TMEM108: variants seen among roughly 807,000 people sequenced by gnomAD.
The protein encoded by TMEM108 is transmembrane protein 108, also known as cancer/testis antigen 124.
A neutral mutation model predicts 35.1 loss-of-function variants in TMEM108; 12 were observed. The ratio of observed to expected loss-of-function variants is 0.34; its 90% CI spans 0.22 to 0.55. The LOEUF is 0.55. TMEM108 is among the 20% of genes least tolerant of loss of function. The pLI is 0.89. For synonymous variants in TMEM108, 287 were observed against 308.6 expected, an observed-to-expected ratio of 0.93 and a Z score of 0.73; for missense variants, 680 against 753.3, an observed-to-expected ratio of 0.90 and a Z score of 1.14.
At chr3:133,231,349 T>G (rs1946150624) in intron 3 of TMEM108, among the ~76,000 whole-genome samples, 1 of 152,192 alleles carries the variant, frequency 6.6e-6, no homozygotes, top group Non-Finnish European at 1.5e-5. Context: ...GTTATTTATT[T>G]CGTTCATGAA....
Position 133,251,350 on chromosome 3 carries a change from A to C in TMEM108, c.40+21999A>C, listed in dbSNP as rs562420379. 1.1e-4 allele frequency among the ~76,000 whole-genome samples: 16 copies of C among 152,308 alleles called. 1 individual carries two copies. In the South Asian group the frequency reaches 3.3e-3, roughly 32 times the overall value. On this transcript the variant is annotated intron_variant, in intron 3 of 5. Coordinates refer to ENST00000321871, the MANE Select transcript of TMEM108 (RefSeq NM_023943.4). ...GGACATTTATTAAGCACTTACTATA[A>C]AAGACACTGCAGAGGTTATAATATG...
intron 3 of TMEM108, among the ~76,000 whole-genome samples, chr3:133,360,609 C>T (rs996513571): frequency 6.6e-6 from 1 of 152,190 alleles, no homozygotes; most frequent in Non-Finnish European, 1.5e-5. Flanking sequence ...AGCAAAGCTG[C>T]TTCACCTGAT....
chr3:133,139,255 T>C (rs2107753781), intron 2 of TMEM108, among the ~76,000 whole-genome samples: 1 of 152,380 alleles, frequency 6.6e-6, no homozygotes, highest in African/African-American at 2.4e-5. Flanking sequence ...TAGAATGATT[T>C]ATAATCCTTT....
intron 2 of TMEM108, among the ~76,000 whole-genome samples, chr3:133,131,449 A>G (rs959512740): frequency 2.6e-4 from 39 of 150,144 alleles, no homozygotes; most frequent in Admixed American, 1.1e-3. Flanking sequence ...GTAATACAAT[A>G]TTTCAAACTT....
At position 133,142,791 on chromosome 3, in the gene TMEM108, T is replaced by C. The variant is rs529267882; in HGVS notation, c.-46-86475T>C. 3.9e-5 allele frequency among the ~76,000 whole-genome samples: 6 copies of C among 152,344 alleles called. 1 individual carries two copies. Among genetic ancestry groups the C allele is most frequent in the African/African-American group, 9.6e-5 (4 of 41,582 alleles). On this transcript the variant is annotated intron_variant, in intron 2 of 5. Coordinates refer to ENST00000321871, the MANE Select transcript of TMEM108 (RefSeq NM_023943.4). ...GTAGTATAATTATAACTAACACTTA[T>C]TAAGTTCTCACTATGTTCCAAACAG...
intron 3 of TMEM108, among the ~76,000 whole-genome samples, chr3:133,357,714 G>A (rs1559924389): frequency 6.6e-6 from 1 of 152,132 alleles, no homozygotes; most frequent in Non-Finnish European, 1.5e-5. Context: ...CTTATAAGTG[G>A]CAGCTAAGCT....
In TMEM108 at chr3:133,176,218, T is replaced by C; in HGVS notation, c.-46-53048T>C. Among the ~76,000 whole-genome samples, 2 of 145,582 alleles carry C rather than the reference T, an allele frequency of 1.4e-5. 1 individual carries two copies. Among genetic ancestry groups the C allele is most frequent in the South Asian group, 4.5e-4 (2 of 4,466 alleles). The stretch of plus-strand genomic sequence containing the variant: ...AGAGACTTAGACTCCCACACAATAA[T>C]AATGGGAGACTTTAACACCCCACTG... On this transcript the variant is annotated intron_variant, in intron 2 of 5. Transcript: ENST00000321871.
chr3:133,237,650 T>G (rs1946257614), intron 3 of TMEM108, among the ~76,000 whole-genome samples: 1 of 152,144 alleles, frequency 6.6e-6, no homozygotes, highest in African/African-American at 2.4e-5. Flanking sequence ...CCAGATTTTT[T>G]TCCATGTACT....
chr3:133,146,908 C>T (rs186394298), intron 2 of TMEM108, among the ~76,000 whole-genome samples: 2 of 152,016 alleles, frequency 1.3e-5, no homozygotes, highest in African/African-American at 4.8e-5. Flanking sequence ...TTTGAAAAAA[C>T]CAGCTCCTGG....
At chr3:133,239,663 G>A (rs6771368) in intron 3 of TMEM108, among the ~76,000 whole-genome samples, 1,643 of 152,264 alleles carry the variant, frequency 0.011, 25 homozygotes, top group African/African-American at 0.036. Flanking sequence ...CTGGGGCTGG[G>A]CCAAGAATTA....
At position 133,359,061 on chromosome 3, in the gene TMEM108, G is replaced by A. The variant is rs528792836; in HGVS notation, c.41-20691G>A. Among the ~76,000 whole-genome samples the A allele has an allele frequency of 4.6e-5, 7 of 152,280 alleles. No individual in the cohort carries two copies. The East Asian group carries it at 1.3e-3, about 29-fold the overall frequency. ...ATCAGATCTGTGGTTTCACCCTACAGTGGCAAAATTGAGTACTGTAATTTT... is the reference window on the plus strand; with the variant it reads ...ATCAGATCTGTGGTTTCACCCTACAATGGCAAAATTGAGTACTGTAATTTT... On this transcript the variant is annotated intron_variant, in intron 3 of 5. Coordinates refer to ENST00000321871, the MANE Select transcript of TMEM108 (RefSeq NM_023943.4).
intron 2 of TMEM108, among the ~76,000 whole-genome samples, chr3:133,221,640 T>C (rs1174059236): frequency 6.9e-6 from 1 of 145,696 alleles, no homozygotes; most frequent in Non-Finnish European, 1.5e-5. Flanking sequence ...TCTAGTGGCA[T>C]ACATTGATTA....
At chr3:133,235,565 G>C (rs545559401) in intron 3 of TMEM108, among the ~76,000 whole-genome samples, 1 of 152,114 alleles carries the variant, frequency 6.6e-6, no homozygotes, top group Non-Finnish European at 1.5e-5. Context: ...GTGAGCCCTA[G>C]ATGTAAAATG....
intron 2 of TMEM108, among the ~76,000 whole-genome samples, chr3:133,083,907 GA>G (rs1169288711): frequency 4.6e-5 from 7 of 151,814 alleles, no homozygotes; most frequent in Admixed American, 1.3e-4. Context: ...AATCCATTCT[GA>G]ATATGTCATA....
At chr3:133,256,679 A>AC (rs1946551294) in intron 3 of TMEM108, among the ~76,000 whole-genome samples, 2 of 152,196 alleles carry the variant, frequency 1.3e-5, no homozygotes, top group East Asian at 3.8e-4. Flanking sequence ...TAACTTCCAA[A>AC]CCAGTAAAAC....
intron 2 of TMEM108, among the ~76,000 whole-genome samples, chr3:133,225,709 C>G (rs1946060425): frequency 6.6e-6 from 1 of 151,022 alleles, no homozygotes; most frequent in Non-Finnish European, 1.5e-5. Flanking sequence ...AAAAAGCAAT[C>G]TCAAGTAACA....
chr3:133,282,192 A>C (rs1946924301), intron 3 of TMEM108, among the ~76,000 whole-genome samples: 1 of 152,246 alleles, frequency 6.6e-6, no homozygotes, highest in Non-Finnish European at 1.5e-5. Flanking sequence ...AGACAAAGAC[A>C]AAAGAGTATT....
chr3:133,038,410 G>C lies in TMEM108; in HGVS notation c.-191G>C, dbSNP rs1396759573. ...GGTGGGGCTTTCTCCTGAGCCGTCG[G>C]AGGGAGCCGGAGCGCTTCTCCCGAG... On this transcript the variant is annotated 5_prime_UTR_variant, in exon 1 of 6. Coordinates refer to ENST00000321871, the MANE Select transcript of TMEM108 (RefSeq NM_023943.4). 2 of 152,340 alleles carry C rather than the reference G, an allele frequency of 1.3e-5. No homozygotes were observed. Among genetic ancestry groups the C allele is most frequent in the African/African-American group, 4.8e-5 (2 of 41,466 alleles). The allele number at this position is 152,340 out of a possible 1,614,324, so 9.4% of individuals were successfully genotyped here.
At chr3:133,313,675 T>C (rs898312151) in intron 3 of TMEM108, among the ~76,000 whole-genome samples, 3 of 152,182 alleles carry the variant, frequency 2.0e-5, no homozygotes, top group Admixed American at 6.5e-5. Context: ...TGCCCTTCAT[T>C]GATGTTAATT....
Sources: allele counts gnomAD v4.1 joint callset (sites outside exome capture counted in the v4.1 genomes callset), GRCh38; gene constraint gnomAD v4.1.1; transcripts MANE v1.5; gene names NCBI Gene and HGNC (gene_info 2026-07-23, HGNC 2026-07-21).